LYZL6: variants seen among roughly 807,000 people sequenced by gnomAD.
LYZL6 encodes the protein lysozyme like 6.
A neutral mutation model predicts 15.0 loss-of-function variants in LYZL6; 21 were observed. That is an observed-to-expected ratio of 1.40 (90% confidence interval 1.00 to 2.02). The LOEUF is 2.02. LYZL6 is among the 30% of genes most tolerant of loss of function. The probability of loss-of-function intolerance (pLI) is 0.00; values close to 1 mark genes in which losing one functional copy is unlikely to be tolerated. For missense variants in LYZL6, 173 were observed against 180.5 expected, an observed-to-expected ratio of 0.96 and a Z score of 0.24; for synonymous variants, 72 against 67.8, an observed-to-expected ratio of 1.06 and a Z score of -0.31.
chr17:35,939,513 C>A lies in LYZL6; in HGVS notation c.-157G>T. 1 of 554,690 alleles carries A rather than the reference C, an allele frequency of 1.8e-6. No individual in the cohort carries two copies. Among genetic ancestry groups the A allele is most frequent in the Non-Finnish European group, 3.1e-6 (1 of 317,744 alleles). The allele number at this position is 554,690 out of a possible 1,614,324, so 34.4% of individuals were successfully genotyped here. A position where few individuals can be genotyped will look rare whatever the true frequency, so the allele number is the denominator to read the frequency against. On this transcript the variant is annotated 5_prime_UTR_variant, in exon 2 of 5. Transcript: ENST00000615905. ...CCTGGCTGTTTCCAATCTCTTTTCT[C>A]TTGTTTATTATTTTATAGATTTTTA... is the stretch of plus-strand genomic sequence containing the variant.
chr17:35,934,947 A>T (rs1473867666), intron 4 of LYZL6, 82 bp from the exon 5 acceptor site: 2 of 1,323,824 alleles, frequency 1.5e-6, no homozygotes, highest in African/African-American at 2.9e-5. Flanking sequence ...TGAGTCTCGC[A>T]TATGGAGCAA....
intron 3 of LYZL6, 127 bp from the exon 4 acceptor site, chr17:35,936,960 C>G: frequency 1.3e-6 from 1 of 753,336 alleles, no homozygotes; most frequent in South Asian, 1.6e-5. Flanking sequence ...AGGCTGTCTC[C>G]CAGGGGGCCC....
intron 2 of LYZL6, 110 bp downstream of exon 2, chr17:35,939,108 G>C: frequency 7.6e-7 from 1 of 1,318,338 alleles, no homozygotes; most frequent in Non-Finnish European, 1.1e-6. Context: ...TTTTGAAGGG[G>C]GCTGCTTTTT....
chr17:35,941,748 A>C (rs1290723966), intron 1 of LYZL6, among the ~76,000 whole-genome samples: 1 of 152,210 alleles, frequency 6.6e-6, no homozygotes, highest in South Asian at 2.1e-4. Context: ...GTGTGGAGGA[A>C]GTCATGGAGT....
At chr17:35,943,339 C>A (rs762352862) in intron 1 of LYZL6, among the ~76,000 whole-genome samples, 9 of 152,152 alleles carry the variant, frequency 5.9e-5, no homozygotes, top group Non-Finnish European at 1.0e-4. Flanking sequence ...TCATTCTACC[C>A]CCAGAGCTGA....
rs1242405146 is a variant in LYZL6, at chr17:35,934,878, A to C, written c.378-13T>G. The C allele has an allele frequency of 1.2e-6, 2 of 1,613,936 alleles. No homozygotes were observed. Among genetic ancestry groups the C allele is most frequent in the South Asian group, 2.2e-5 (2 of 91,068 alleles). The stretch of plus-strand genomic sequence containing the variant: ...CCTCCATTCTACCCTGCGGAGAAAA[A>C]AGACATGGTTCTTGCCTCACACTCA... On this transcript the variant is annotated splice_polypyrimidine_tract_variant and intron_variant, in intron 4 of 4. Transcript: ENST00000615905.
chr17:35,939,398 AG>A lies in LYZL6; in HGVS notation c.-43del. ...GTGCAGCTGAGGGCTGATGGTTCTT[AG>A]GGTCTTGCAGACTTTCTGCTGATCT... On this transcript the variant is annotated 5_prime_UTR_variant, in exon 2 of 5. Transcript: ENST00000615905. 2 of 1,590,874 alleles carry A rather than the reference AG, an allele frequency of 1.3e-6. No homozygotes were observed. The highest frequency in any genetic ancestry group is 1.7e-6 in the Non-Finnish European group (2 of 1,164,072).
chr17:35,941,086 G>T (rs1417740017), intron 1 of LYZL6, among the ~76,000 whole-genome samples: 1 of 152,204 alleles, frequency 6.6e-6, no homozygotes, highest in Non-Finnish European at 1.5e-5. Context: ...GATTTCCAAA[G>T]TGGCTGCACC....
At chr17:35,936,262 C>T (rs958468782) in intron 4 of LYZL6, among the ~76,000 whole-genome samples, 4 of 152,240 alleles carry the variant, frequency 2.6e-5, no homozygotes, top group African/African-American at 9.6e-5. Context: ...GATTCTCTAT[C>T]CCAGGAACTT....
intron 1 of LYZL6, among the ~76,000 whole-genome samples, 157 bp downstream of exon 1, chr17:35,943,410 C>G (rs1402442595): frequency 6.9e-6 from 1 of 144,476 alleles, no homozygotes; most frequent in Non-Finnish European, 1.5e-5. Context: ...GACAAACAAC[C>G]TACTCCACAC....
At chr17:35,938,435 C>A (rs980120284) in intron 2 of LYZL6, among the ~76,000 whole-genome samples, 1 of 151,874 alleles carries the variant, frequency 6.6e-6, no homozygotes, top group South Asian at 2.1e-4. Context: ...CTGGCTAACA[C>A]GGTGAAACCC....
intron 4 of LYZL6, among the ~76,000 whole-genome samples, chr17:35,935,883 G>C (rs11654713): frequency 0.095 from 14,056 of 148,124 alleles, 805 homozygotes; most frequent in East Asian, 0.22. Context: ...GCGCGATCTC[G>C]GCTCACTGCA....
chr17:35,942,664 A>G (rs1032880730), intron 1 of LYZL6, among the ~76,000 whole-genome samples: 1 of 152,194 alleles, frequency 6.6e-6, no homozygotes, highest in Non-Finnish European at 1.5e-5. Flanking sequence ...CCAGCCTGAA[A>G]GAGCAAAGGG....
At chr17:35,938,609 C>T (rs1220921648) in intron 2 of LYZL6, among the ~76,000 whole-genome samples, 1 of 144,234 alleles carries the variant, frequency 6.9e-6, no homozygotes, top group East Asian at 2.0e-4. Flanking sequence ...CAGAGCGAGA[C>T]TCTGTCTAAA....
chr17:35,943,046 G>GC (rs78235114), intron 1 of LYZL6, among the ~76,000 whole-genome samples: 17,374 of 151,972 alleles, frequency 0.11, 1,084 homozygotes, highest in East Asian at 0.25. Context: ...CCTCATGAAT[G>GC]CCCCTCTCTA....
Sources: gnomAD v4.1 joint callset for allele counts (sites outside exome capture counted in the v4.1 genomes callset) on GRCh38, gnomAD v4.1.1 for gene constraint, MANE v1.5 for transcripts, NCBI Gene and HGNC (gene_info 2026-07-23, HGNC 2026-07-21) for gene names.